Variants in MAGI2 observed in about 807,000 individuals in gnomAD.
MAGI2 encodes the protein membrane associated guanylate kinase, WW and PDZ domain containing 2, also known as membrane-associated guanylate kinase, WW and PDZ domain-containing protein 2.
In MAGI2, 35 loss-of-function variants were observed where a neutral mutation model predicts 133.3. The observed-to-expected ratio is 0.26, with a 90% CI of 0.20 to 0.35. The LOEUF is 0.35. MAGI2 is among the 10% of genes least tolerant of loss of function. The pLI is 1.00. For synonymous variants in MAGI2, 729 were observed against 710.6 expected (o/e 1.03, Z -0.41); for missense variants, 1,636 against 1,863.4 (o/e 0.88, Z 2.25).
At chr7:78,696,514 C>T (rs947788874) in intron 2 of MAGI2, among the ~76,000 whole-genome samples, 2 of 152,084 alleles carry the variant, frequency 1.3e-5, no homozygotes, top group African/African-American at 4.8e-5. Flanking sequence ...GCCACAATTG[C>T]TTTTTTCCTT....
intron 3 of MAGI2, among the ~76,000 whole-genome samples, chr7:78,604,164 T>A (rs1554495000): frequency 6.6e-6 from 1 of 151,862 alleles, no homozygotes; most frequent in Non-Finnish European, 1.5e-5. Flanking sequence ...AAACGATGAG[T>A]AGGATTTAAG....
At chr7:78,800,367 A>G (rs951175483) in intron 2 of MAGI2, among the ~76,000 whole-genome samples, 11 of 152,234 alleles carry the variant, frequency 7.2e-5, no homozygotes, top group African/African-American at 2.6e-4. Flanking sequence ...CAGGCCTTCC[A>G]TATTGTGGCT....
At chr7:78,774,235 G>C (rs970706849) in intron 2 of MAGI2, among the ~76,000 whole-genome samples, 3 of 152,140 alleles carry the variant, frequency 2.0e-5, no homozygotes, top group African/African-American at 4.8e-5. Context: ...ATGCATCCGA[G>C]GTTGGTAATC....
intron 1 of MAGI2, among the ~76,000 whole-genome samples, chr7:79,039,877 T>C (rs555406941): frequency 6.9e-6 from 1 of 145,088 alleles, no homozygotes; most frequent in South Asian, 2.1e-4. Context: ...AATATATATG[T>C]ATATATAATA....
intron 1 of MAGI2, among the ~76,000 whole-genome samples, chr7:79,445,540 A>C (rs1299399879): frequency 6.6e-6 from 1 of 152,240 alleles, no homozygotes; most frequent in Non-Finnish European, 1.5e-5. Flanking sequence ...GATGACATTT[A>C]TGAAACCAAA....
intron 1 of MAGI2, among the ~76,000 whole-genome samples, chr7:79,279,734 G>C (rs186343862): frequency 1.2e-3 from 190 of 152,288 alleles, no homozygotes; most frequent in African/African-American, 4.3e-3. Context: ...CACTAAGTAA[G>C]TCAATAGTCC....
At chr7:78,310,004 G>A (rs929983387) in intron 9 of MAGI2, among the ~76,000 whole-genome samples, 6 of 152,052 alleles carry the variant, frequency 3.9e-5, no homozygotes, top group African/African-American at 1.4e-4. Context: ...GATACCTAGG[G>A]TTTGTGGCAG....
At chr7:78,169,345 T>C (rs988038217) in intron 14 of MAGI2, among the ~76,000 whole-genome samples, 1 of 152,270 alleles carries the variant, frequency 6.6e-6, no homozygotes, top group Admixed American at 6.5e-5. Context: ...CTGATGATAC[T>C]ACAGAGGCTA....
intron 1 of MAGI2, among the ~76,000 whole-genome samples, chr7:79,122,438 G>T (rs947639399): frequency 3.3e-5 from 5 of 152,006 alleles, no homozygotes; most frequent in African/African-American, 1.2e-4. Flanking sequence ...GATGTATAGG[G>T]TTATAGTGAT....
intron 2 of MAGI2, among the ~76,000 whole-genome samples, chr7:78,748,608 C>T (rs1268344610): frequency 6.6e-6 from 1 of 152,030 alleles, no homozygotes; most frequent in Non-Finnish European, 1.5e-5. Flanking sequence ...AATTACAAAC[C>T]ATTTCGGGTA....
chr7:78,835,914 A>G (rs777779580), intron 2 of MAGI2, among the ~76,000 whole-genome samples: 1 of 152,192 alleles, frequency 6.6e-6, no homozygotes, highest in Non-Finnish European at 1.5e-5. Context: ...CAGCTTGCTT[A>G]TCCTCTATTC....
chr7:79,134,364 C>A (rs1322768268), intron 1 of MAGI2, among the ~76,000 whole-genome samples: 2 of 152,154 alleles, frequency 1.3e-5, no homozygotes, highest in Non-Finnish European at 2.9e-5. Flanking sequence ...CAAATTTTCA[C>A]TTTTCAGTAG....
At chr7:79,041,326 A>C (rs1811647750) in intron 1 of MAGI2, among the ~76,000 whole-genome samples, 1 of 152,202 alleles carries the variant, frequency 6.6e-6, no homozygotes, top group Admixed American at 6.5e-5. Flanking sequence ...AAATACTATG[A>C]GGACCTTTGA....
At chr7:79,171,750 A>ATATATATATATATATATATATATC (rs1196596570) in intron 1 of MAGI2, among the ~76,000 whole-genome samples, 2 of 28,110 alleles carry the variant, frequency 7.1e-5, no homozygotes, top group Admixed American at 3.0e-4. Context: ...AAAAATATAT[A>ATATATATATATATATATATATATC]TATATATATA....
intron 2 of MAGI2, among the ~76,000 whole-genome samples, chr7:78,810,476 T>C (rs533526205): frequency 2.0e-5 from 3 of 152,286 alleles, no homozygotes; most frequent in Admixed American, 6.5e-5. Context: ...AGTTGTTTCA[T>C]TAATATAAAC....
chr7:78,575,462 A>G (rs907853673), intron 3 of MAGI2, among the ~76,000 whole-genome samples: 1 of 152,114 alleles, frequency 6.6e-6, no homozygotes, highest in Non-Finnish European at 1.5e-5. Context: ...ATAAATCCCC[A>G]CTACTTAAGT....
chr7:78,488,530 T>A (rs560652097), intron 6 of MAGI2, among the ~76,000 whole-genome samples: 1 of 135,146 alleles, frequency 7.4e-6, no homozygotes, highest in Non-Finnish European at 1.6e-5. Context: ...ATTTTCAGAC[T>A]ATCACATTTT....
Position 78,185,636 on chromosome 7 carries a change from A to G in MAGI2, c.2304T>C (p.Asp768=), listed in dbSNP as rs779355676. 1.3e-6 allele frequency: 2 copies of G among 1,593,064 alleles called. No homozygotes were observed. The highest frequency in any genetic ancestry group is 3.4e-5 in the Admixed American group (2 of 59,626). The change falls in exon 13 of 22, where the codon GAT becomes GAC. Residue 768 remains aspartate, a synonymous_variant. Coordinates refer to ENST00000354212, the MANE Select transcript of MAGI2 (RefSeq NM_012301.4). ...GTACTGAACAATACTTGCCAGAGGA[A>G]TCCATTCGAAAACTGGTCCTGGGTG... ...QVPPRTSFRM[D]SSGPDYKELD... is the part of the protein sequence containing the mutation.
At chr7:78,831,605 T>C (rs979574047) in intron 2 of MAGI2, among the ~76,000 whole-genome samples, 1 of 152,188 alleles carries the variant, frequency 6.6e-6, no homozygotes, top group Non-Finnish European at 1.5e-5. Flanking sequence ...ACTAACTTCA[T>C]TGATCTTGAT....
Sources: allele counts gnomAD v4.1 joint callset (sites outside exome capture counted in the v4.1 genomes callset), GRCh38; gene constraint gnomAD v4.1.1; transcripts MANE v1.5; gene names NCBI Gene and HGNC (gene_info 2026-07-23, HGNC 2026-07-21).